GLP1R: variants seen among roughly 807,000 people sequenced by gnomAD.
The protein encoded by GLP1R is glucagon-like peptide 1 receptor.
A neutral mutation model predicts 68.4 loss-of-function variants in GLP1R; 32 were observed. The ratio of observed to expected loss-of-function variants is 0.47; its 90% CI spans 0.35 to 0.63. GLP1R has a LOEUF of 0.63. Among genes scored for constraint, GLP1R ranks in the 20% least tolerant of loss-of-function variants. The pLI is 0.00. For synonymous variants in GLP1R, 263 were observed against 244.4 expected (o/e 1.08, Z -0.71); for missense variants, 502 against 594.9 (o/e 0.84, Z 1.62).
chr6:39,067,538 C>T (rs1329292053), intron 5 of GLP1R, among the ~76,000 whole-genome samples: 2 of 152,170 alleles, frequency 1.3e-5, no homozygotes, highest in African/African-American at 2.4e-5. Context: ...TAATCCCATT[C>T]GTGAGGGCAG....
chr6:39,075,654 G>A (rs578101809), intron 7 of GLP1R, among the ~76,000 whole-genome samples: 4 of 152,322 alleles, frequency 2.6e-5, no homozygotes, highest in East Asian at 1.9e-4. Context: ...TGGGGGAGAC[G>A]GAGAGAGATT....
intron 7 of GLP1R, among the ~76,000 whole-genome samples, chr6:39,074,574 AC>A (rs557255066): frequency 5.9e-4 from 90 of 151,838 alleles, no homozygotes; most frequent in African/African-American, 2.0e-3. Flanking sequence ...TTCCTGTTCC[AC>A]ACCATCCCCC....
chr6:39,065,573 A>G (rs1438878270), intron 3 of GLP1R, 138 bp from the exon 4 acceptor site: 8 of 599,846 alleles, frequency 1.3e-5, no homozygotes, highest in Admixed American at 2.9e-5. Flanking sequence ...AAGAAGGGAA[A>G]AGGATGTCAC....
chr6:39,072,178 ATAAC>A (rs1372422968), intron 5 of GLP1R, among the ~76,000 whole-genome samples: 26 of 152,362 alleles, frequency 1.7e-4, no homozygotes, highest in Admixed American at 1.6e-3. Flanking sequence ...TCTACAAATA[ATAAC>A]TATTTTGTTT....
chr6:39,056,286 T>C (rs1768211563), intron 1 of GLP1R, 111 bp from the exon 2 acceptor site: 1 of 598,320 alleles, frequency 1.7e-6, no homozygotes, highest in South Asian at 2.1e-5. Context: ...CTGGCAGAAT[T>C]TGGGGCTTTG....
At chr6:39,065,677 G>A (rs1191268480) in intron 3 of GLP1R, 34 bp from the exon 4 acceptor site, 1 of 1,403,054 alleles carries the variant, frequency 7.1e-7, no homozygotes, top group Admixed American at 2.0e-5. Context: ...CCCTATTCTG[G>A]GCTGAGGCTC....
intron 5 of GLP1R, among the ~76,000 whole-genome samples, chr6:39,068,640 A>C (rs1195418083): frequency 6.6e-6 from 1 of 152,238 alleles, no homozygotes; most frequent in Non-Finnish European, 1.5e-5. Flanking sequence ...GCCGAGGTTT[A>C]CTGCTACGTC....
chr6:39,077,949 G>A (rs748467671), intron 7 of GLP1R, among the ~76,000 whole-genome samples: 1 of 152,176 alleles, frequency 6.6e-6, no homozygotes, highest in East Asian at 1.9e-4. Context: ...CAGAGGGTTC[G>A]CCTGCTCCTT....
chr6:39,051,895 G>GT (rs201179669), intron 1 of GLP1R, among the ~76,000 whole-genome samples: 6,894 of 126,796 alleles, frequency 0.054, 275 homozygotes, highest in Admixed American at 0.15. Context: ...GTGTGTGTGT[G>GT]GGGGGGGGGG....
At chr6:39,066,710 T>G (rs1032592341) in intron 5 of GLP1R, among the ~76,000 whole-genome samples, 1 of 152,220 alleles carries the variant, frequency 6.6e-6, no homozygotes, top group Non-Finnish European at 1.5e-5. Flanking sequence ...TTGGAGCTTT[T>G]CAGCCCCAGT....
chr6:39,072,754 T>C lies in GLP1R; in HGVS notation c.510-108T>C, dbSNP rs10305473. On this transcript the variant is annotated intron_variant, in intron 5 of 12. Coordinates refer to ENST00000373256, the MANE Select transcript of GLP1R (RefSeq NM_002062.5). Reference sequence around the variant, plus strand: ...TTCATAGAAGAAGACACACGCACAGTCCCAGGGCTGGAAACATGCCTAATG... The same window carrying C: ...TTCATAGAAGAAGACACACGCACAGCCCCAGGGCTGGAAACATGCCTAATG... 4.0e-4 allele frequency: 367 copies of C among 928,552 alleles called. 2 individuals carry two copies. The African/African-American group carries it at 5.2e-3, about 13-fold the overall frequency. The allele number at this position is 928,552 out of a possible 1,614,324, so 57.5% of individuals were successfully genotyped here. A position where few individuals can be genotyped will look rare whatever the true frequency, so the allele number is the denominator to read the frequency against.
intron 1 of GLP1R, among the ~76,000 whole-genome samples, chr6:39,055,617 C>T (rs975594937): frequency 2.0e-5 from 3 of 152,092 alleles, no homozygotes; most frequent in Admixed American, 6.5e-5. Flanking sequence ...TGTTCTGGAA[C>T]CTCCCTGACC....
At chr6:39,062,449 C>T (rs751843633) in intron 3 of GLP1R, among the ~76,000 whole-genome samples, 4 of 152,236 alleles carry the variant, frequency 2.6e-5, no homozygotes, top group Non-Finnish European at 5.9e-5. Context: ...GGGTAATTGA[C>T]AGATGCACTT....
At chr6:39,070,977 A>G (rs1167695533) in intron 5 of GLP1R, among the ~76,000 whole-genome samples, 2 of 118,980 alleles carry the variant, frequency 1.7e-5, no homozygotes, top group Non-Finnish European at 4.1e-5. Context: ...TAAGCAGTTG[A>G]TAACAGTTAA....
At chr6:39,056,260 C>T in intron 1 of GLP1R, 137 bp from the exon 2 acceptor site, 1 of 573,242 alleles carries the variant, frequency 1.7e-6, no homozygotes. Context: ...CACTCTCTTT[C>T]AGAGGTGGCT....
rs10305529 is a variant in GLP1R at position 39,089,000 on chromosome 6, C to G, written c.*2927C>G. Among the ~76,000 whole-genome samples, 1 of 152,136 alleles carries G rather than the reference C, an allele frequency of 6.6e-6. No individual in the cohort carries two copies. Among genetic ancestry groups the G allele is most frequent in the African/African-American group, 2.4e-5 (1 of 41,422 alleles). On this transcript the variant is annotated 3_prime_UTR_variant, in exon 13 of 13. Coordinates refer to ENST00000373256, the MANE Select transcript of GLP1R (RefSeq NM_002062.5). ...TAGGTGAAAACTATAAATAGCTGTT[C>G]AAGATACTCTGAGTAAAAGTCAGTG...
chr6:39,069,418 G>A (rs9394573), intron 5 of GLP1R, among the ~76,000 whole-genome samples: 69,057 of 151,996 alleles, frequency 0.45, 16,358 homozygotes, highest in Non-Finnish European at 0.51. Context: ...TGGATCATGC[G>A]GTCAGGAGAT....
intron 12 of GLP1R, 54 bp downstream of exon 12, chr6:39,080,793 G>C (rs1333915728): frequency 1.2e-5 from 14 of 1,120,318 alleles, no homozygotes; most frequent in Non-Finnish European, 1.7e-5. Flanking sequence ...CCATCAGCCC[G>C]TCTGGAGTAG....
At position 39,076,048 on chromosome 6, in the gene GLP1R, G is replaced by GA. The variant is rs3216604; in HGVS notation, c.824-2270dup. 4.9e-4 allele frequency among the ~76,000 whole-genome samples: 75 copies of GA among 152,286 alleles called. No homozygotes were observed. In the East Asian group the frequency reaches 9.3e-3, roughly 19 times the overall value. ...CAGGGCTTTCGTGACTGTGTTTTTT[G>GA]AAAAGGCCTTGTTAAGGAAATGCTG... is the stretch of plus-strand genomic sequence containing the variant. On this transcript the variant is annotated intron_variant, in intron 7 of 12. Transcript: ENST00000373256.
Sources: allele counts gnomAD v4.1 joint callset (sites outside exome capture counted in the v4.1 genomes callset), GRCh38; gene constraint gnomAD v4.1.1; transcripts MANE v1.5; gene names NCBI Gene and HGNC (gene_info 2026-07-23, HGNC 2026-07-21).